Variants in FBXL2 observed in about 807,000 individuals in gnomAD.
FBXL2 encodes F-box and leucine rich repeat protein 2.
Under a neutral mutation model 69.2 loss-of-function variants are expected in FBXL2, and 38 were observed. That is an observed-to-expected ratio of 0.55 (90% CI 0.42 to 0.72). The LOEUF is 0.72. FBXL2 is among the 30% of genes least tolerant of loss of function. FBXL2 has a pLI of 0.00. For missense variants in FBXL2, 354 were observed against 520.3 expected (o/e 0.68, Z 3.11); for synonymous variants, 192 against 201.3 (o/e 0.95, Z 0.39).
At chr3:33,418,824 A>G in the FBXL2 span, among the ~76,000 whole-genome samples, 1 of 147,850 alleles carries the variant, frequency 6.8e-6, no homozygotes, top group Admixed American at 6.9e-5. Flanking sequence ...GCACCGCTGC[A>G]CTACAGCCCA....
intron 5 of FBXL2, among the ~76,000 whole-genome samples, chr3:33,367,961 G>A (rs2042058874): frequency 6.6e-6 from 1 of 151,976 alleles, no homozygotes; most frequent in Non-Finnish European, 1.5e-5. Flanking sequence ...TTTCTTCCAT[G>A]ACCCATGGGT....
intron 2 of FBXL2, among the ~76,000 whole-genome samples, chr3:33,329,024 A>G (rs1342877257): frequency 6.6e-6 from 1 of 152,174 alleles, no homozygotes; most frequent in Non-Finnish European, 1.5e-5. Context: ...AACTCAAAAC[A>G]ATTCAGTAGC....
At position 33,373,273 on chromosome 3, in the gene FBXL2, C is replaced by G. The variant is rs1268112520; in HGVS notation, c.373C>G (p.Leu125Val). Residue 125 changes from leucine to valine, a missense_variant, in exon 7 of 15, where the codon CTT becomes GTT. By Grantham distance (32) the Leu-to-Val change is conservative. Transcript: ENST00000484457. Reference protein sequence around the residue: ...TKITDSTCYSLSRFCSKLKHL... With the variant: ...TKITDSTCYSVSRFCSKLKHL... ...GCTCTTTTTCAGCACGTGTTATAGC[C>G]TTAGCAGATTCTGTTCCAAGCTGAA... The G allele has an allele frequency of 6.2e-7, 1 of 1,614,022 alleles. No homozygotes were observed. Among genetic ancestry groups the G allele is most frequent in the African/African-American group, 1.3e-5 (1 of 74,928 alleles).
At chr3:33,333,882 C>T (rs2039360055) in intron 2 of FBXL2, among the ~76,000 whole-genome samples, 2 of 152,088 alleles carry the variant, frequency 1.3e-5, no homozygotes, top group South Asian at 2.1e-4. Context: ...CAAAAAGTAT[C>T]GAAACTGCAG....
chr3:33,301,249 T>C (rs962903267), intron 2 of FBXL2, among the ~76,000 whole-genome samples: 2 of 152,228 alleles, frequency 1.3e-5, no homozygotes, highest in Non-Finnish European at 2.9e-5. Context: ...CTAATCTTGT[T>C]GAATTCCTAT....
chr3:33,336,780 T>G (rs578122485), intron 2 of FBXL2, among the ~76,000 whole-genome samples: 1 of 151,762 alleles, frequency 6.6e-6, no homozygotes, highest in Non-Finnish European at 1.5e-5. Flanking sequence ...TGGCGTGCAC[T>G]TGTAGTCCCA....
chr3:33,326,739 A>C (rs1239125982), intron 2 of FBXL2, among the ~76,000 whole-genome samples: 1 of 152,094 alleles, frequency 6.6e-6, no homozygotes, highest in Non-Finnish European at 1.5e-5. Context: ...CCATATCCAA[A>C]CTTCAAAGAC....
chr3:33,370,452 G>A (rs1055518457), intron 5 of FBXL2, among the ~76,000 whole-genome samples: 11 of 150,830 alleles, frequency 7.3e-5, no homozygotes, highest in Non-Finnish European at 1.5e-4. Flanking sequence ...CTAGAATTCT[G>A]TAGTGACTAT....
chr3:33,377,449 T>TA, intron 11 of FBXL2, 116 bp downstream of exon 11: 1 of 967,240 alleles, frequency 1.0e-6, no homozygotes, highest in Non-Finnish European at 1.7e-6. Context: ...AGGCACAAAG[T>TA]AGAGTAGAAC....
intron 2 of FBXL2, among the ~76,000 whole-genome samples, chr3:33,345,429 A>C (rs1035949160): frequency 1.3e-5 from 2 of 152,248 alleles, no homozygotes; most frequent in Non-Finnish European, 2.9e-5. Context: ...ATTTTATGAG[A>C]CTAGGATAAT....
At chr3:33,421,456 G>C in the FBXL2 span, among the ~76,000 whole-genome samples, 1 of 152,134 alleles carries the variant, frequency 6.6e-6, no homozygotes, top group East Asian at 1.9e-4. Context: ...ATTTTCAGTA[G>C]AGATGGTTTC....
At chr3:33,374,746 A>G (rs1160555828) in intron 9 of FBXL2, among the ~76,000 whole-genome samples, 2 of 152,162 alleles carry the variant, frequency 1.3e-5, no homozygotes, top group Non-Finnish European at 2.9e-5. Flanking sequence ...ATTATTTTGA[A>G]TCTTCATGGC....
At chr3:33,342,146 A>G (rs1009843366) in intron 2 of FBXL2, among the ~76,000 whole-genome samples, 3 of 150,942 alleles carry the variant, frequency 2.0e-5, no homozygotes, top group Non-Finnish European at 2.9e-5. Context: ...CTGGGACTAC[A>G]GGTGCCTGAT....
chr3:33,305,604 C>T (rs1388569196), intron 2 of FBXL2, among the ~76,000 whole-genome samples: 1 of 151,868 alleles, frequency 6.6e-6, no homozygotes, highest in Non-Finnish European at 1.5e-5. Flanking sequence ...TTTTTCTGTC[C>T]TCCAAAAGCA....
intron 1 of FBXL2, among the ~76,000 whole-genome samples, chr3:33,293,808 A>G (rs757321205): frequency 2.0e-5 from 3 of 152,190 alleles, no homozygotes; most frequent in Admixed American, 6.5e-5. Context: ...TACTTTCAAT[A>G]ATAGAACATT....
intron 2 of FBXL2, among the ~76,000 whole-genome samples, chr3:33,352,109 C>T (rs985053306): frequency 2.0e-5 from 3 of 152,048 alleles, no homozygotes; most frequent in African/African-American, 7.2e-5. Flanking sequence ...AGACATGTAG[C>T]ATTGGTGAAA....
At chr3:33,294,316 T>G (rs755600156) in intron 1 of FBXL2, among the ~76,000 whole-genome samples, 18 of 151,980 alleles carry the variant, frequency 1.2e-4, no homozygotes, top group Non-Finnish European at 2.2e-4. Context: ...AGGCTAGCCT[T>G]GAACTCCTGG....
intron 13 of FBXL2, among the ~76,000 whole-genome samples, chr3:33,381,758 C>G (rs556324520): frequency 1.3e-5 from 2 of 152,096 alleles, no homozygotes; most frequent in South Asian, 4.2e-4. Context: ...TTTTAAACAG[C>G]CTCCTAAAGA....
At chr3:33,297,840 C>T in intron 2 of FBXL2, 115 bp downstream of exon 2, 1 of 730,542 alleles carries the variant, frequency 1.4e-6, no homozygotes, top group Non-Finnish European at 2.4e-6. Flanking sequence ...CAGAATTAGC[C>T]TAACTGACTT....
Sources: allele counts gnomAD v4.1 joint callset (sites outside exome capture counted in the v4.1 genomes callset), GRCh38; gene constraint gnomAD v4.1.1; transcripts MANE v1.5; gene names NCBI Gene and HGNC (gene_info 2026-07-23, HGNC 2026-07-21).